CNOT4: variants seen among roughly 807,000 people sequenced by gnomAD.
The protein encoded by CNOT4 is CCR4-associated factor 4.
In CNOT4, 8 loss-of-function variants were observed where a neutral mutation model predicts 73.8. The ratio of observed to expected loss-of-function variants is 0.11; its 90% CI spans 0.06 to 0.20. The LOEUF is 0.20. Ranked by LOEUF, CNOT4 falls within the 10% of genes least tolerant of loss-of-function variation. CNOT4 has a pLI of 1.00. For missense variants in CNOT4, 564 were observed against 883.4 expected (o/e 0.64, Z 4.58); for synonymous variants, 293 against 321.1 (o/e 0.91, Z 0.94).
intron 1 of CNOT4, among the ~76,000 whole-genome samples, chr7:135,462,451 G>C (rs1316864429): frequency 6.6e-6 from 1 of 152,068 alleles, no homozygotes; most frequent in African/African-American, 2.4e-5. Context: ...GGATAGGAGG[G>C]ATCCAGGAGA....
chr7:135,457,324 G>A (rs1355779763), intron 1 of CNOT4, among the ~76,000 whole-genome samples: 4 of 151,986 alleles, frequency 2.6e-5, no homozygotes, highest in African/African-American at 9.7e-5. Flanking sequence ...AAGGGAAAGA[G>A]AAATGGAAGG....
chr7:135,435,164 T>C (rs1322236171), intron 2 of CNOT4, among the ~76,000 whole-genome samples: 1 of 152,210 alleles, frequency 6.6e-6, no homozygotes, highest in Non-Finnish European at 1.5e-5. Flanking sequence ...ATTCTAGATG[T>C]TCTAAAATTT....
intron 1 of CNOT4, among the ~76,000 whole-genome samples, chr7:135,488,075 G>T (rs1220196921): frequency 2.1e-5 from 3 of 140,654 alleles, no homozygotes; most frequent in Non-Finnish European, 3.1e-5. Context: ...TCTCAAAGAA[G>T]AAAAAAAAGA....
At chr7:135,453,826 T>TTACATATATATATA (rs1554438702) in intron 1 of CNOT4, among the ~76,000 whole-genome samples, 9 of 89,906 alleles carry the variant, frequency 1.0e-4, no homozygotes, top group Non-Finnish European at 1.6e-4. Flanking sequence ...TATATATATT[T>TTACATATATATATA]TATATATATA....
intron 2 of CNOT4, among the ~76,000 whole-genome samples, chr7:135,429,705 A>C (rs1798705319): frequency 6.6e-6 from 1 of 152,244 alleles, no homozygotes; most frequent in African/African-American, 2.4e-5. Flanking sequence ...CCCTATCATC[A>C]TAAACAACTG....
intron 1 of CNOT4, chr7:135,445,033 T>C: frequency 1.2e-6 from 1 of 809,246 alleles, no homozygotes; most frequent in Non-Finnish European, 2.2e-6. Flanking sequence ...GATAAGTCTG[T>C]TGGTGGACAG....
At chr7:135,472,887 A>G (rs1350223367) in intron 1 of CNOT4, among the ~76,000 whole-genome samples, 5 of 151,958 alleles carry the variant, frequency 3.3e-5, no homozygotes, top group Admixed American at 3.3e-4. Context: ...AAAAAAACCA[A>G]AAGATTAGTC....
intron 7 of CNOT4, among the ~76,000 whole-genome samples, chr7:135,408,534 T>C (rs777683046): frequency 5.9e-5 from 9 of 152,218 alleles, no homozygotes; most frequent in African/African-American, 1.9e-4. Context: ...CATGCATTCA[T>C]CTTCCAACCT....
chr7:135,421,504 A>G (rs1384663837), intron 3 of CNOT4, among the ~76,000 whole-genome samples: 2 of 152,190 alleles, frequency 1.3e-5, no homozygotes, highest in East Asian at 3.9e-4. Context: ...GGCCTCAAGG[A>G]AAGTATGAGT....
In CNOT4 at chr7:135,510,079, C is replaced by T. The variant is rs781579313; in HGVS notation, c.-283G>A. ...GTTCCACAGCCAGACGGGCCACCATCTTACATTAGGGTAAGACTCCTCCGG... is the reference window on the plus strand; with the variant it reads ...GTTCCACAGCCAGACGGGCCACCATTTTACATTAGGGTAAGACTCCTCCGG... On this transcript the variant is annotated 5_prime_UTR_variant, in exon 1 of 12. Transcript: ENST00000541284. 5.0e-6 allele frequency: 2 copies of T among 399,188 alleles called. No homozygotes were observed. Among genetic ancestry groups the T allele is most frequent in the Non-Finnish European group, 8.8e-6 (2 of 226,178 alleles). 24.7% of individuals were successfully genotyped at this position (399,188 alleles called of 1,614,324 possible). A position where few individuals can be genotyped will look rare whatever the true frequency, so the allele number is the denominator to read the frequency against.
intron 10 of CNOT4, among the ~76,000 whole-genome samples, chr7:135,382,412 G>A (rs1006543740): frequency 6.6e-6 from 1 of 152,096 alleles, no homozygotes; most frequent in African/African-American, 2.4e-5. Context: ...CCATCAACAA[G>A]GTTTCACAAA....
At chr7:135,481,196 A>C (rs1296078588) in intron 1 of CNOT4, among the ~76,000 whole-genome samples, 2 of 152,318 alleles carry the variant, frequency 1.3e-5, no homozygotes, top group African/African-American at 4.8e-5. Context: ...TTAATGTGAC[A>C]AGAGACTAAT....
intron 10 of CNOT4, chr7:135,384,793 C>T (rs577557809): frequency 2.7e-6 from 2 of 750,268 alleles, no homozygotes; most frequent in Non-Finnish European, 4.9e-6. Context: ...AGATCTACCA[C>T]CCATCTAGTT....
chr7:135,383,811 C>T (rs141449960), intron 10 of CNOT4, among the ~76,000 whole-genome samples: 13 of 152,304 alleles, frequency 8.5e-5, no homozygotes, highest in African/African-American at 3.1e-4. Context: ...CATTCAACTC[C>T]CTTCCACATC....
At chr7:135,454,289 T>C (rs971233755) in intron 1 of CNOT4, among the ~76,000 whole-genome samples, 3 of 151,936 alleles carry the variant, frequency 2.0e-5, no homozygotes, top group Middle Eastern at 3.4e-3. Flanking sequence ...CTGTTTCCAA[T>C]AGAAAATGTT....
chr7:135,470,451 C>T lies in CNOT4; in HGVS notation c.-92-32028G>A, dbSNP rs1801508569. Among the ~76,000 whole-genome samples, 3 of 151,766 alleles carry T rather than the reference C, an allele frequency of 2.0e-5. No individual in the cohort carries two copies. The South Asian group carries it at 6.2e-4, about 32-fold the overall frequency. ...TGGCCTGTTCATAAGCAGTTTTATTCATAATAGCCAAAACAGAAAGAACCT... is the reference window on the plus strand; with the variant it reads ...TGGCCTGTTCATAAGCAGTTTTATTTATAATAGCCAAAACAGAAAGAACCT... On this transcript the variant is annotated intron_variant, in intron 1 of 11. Coordinates refer to ENST00000541284, the MANE Select transcript of CNOT4 (RefSeq NM_001190850.2).
intron 3 of CNOT4, among the ~76,000 whole-genome samples, chr7:135,416,794 G>C (rs990761176): frequency 6.6e-6 from 1 of 152,152 alleles, no homozygotes; most frequent in Non-Finnish European, 1.5e-5. Context: ...TTTATTGGGA[G>C]AGACTGTTAA....
At chr7:135,463,423 G>A (rs1176949546) in intron 1 of CNOT4, among the ~76,000 whole-genome samples, 3 of 151,460 alleles carry the variant, frequency 2.0e-5, no homozygotes, top group Non-Finnish European at 2.9e-5. Context: ...CTGTAATCTC[G>A]GCTATTCGGG....
intron 2 of CNOT4, among the ~76,000 whole-genome samples, chr7:135,433,943 C>G (rs1799004473): frequency 6.6e-6 from 1 of 152,276 alleles, no homozygotes; most frequent in South Asian, 2.1e-4. Context: ...ACACTAAACT[C>G]TCTTGGTTTT....
Sources: allele counts gnomAD v4.1 joint callset (sites outside exome capture counted in the v4.1 genomes callset), GRCh38; gene constraint gnomAD v4.1.1; transcripts MANE v1.5; gene names NCBI Gene and HGNC (gene_info 2026-07-23, HGNC 2026-07-21).